The following UBXN2B variants were observed in gnomAD, a reference collection of about 807,000 sequenced individuals.
The protein encoded by UBXN2B is UBX domain-containing protein 2B.
A neutral mutation model predicts 37.5 loss-of-function variants in UBXN2B; 19 were observed. The observed-to-expected ratio is 0.51, with a 90% CI of 0.35 to 0.74. The LOEUF (loss-of-function observed/expected upper bound fraction) is 0.74, where lower values mean the gene tolerates loss of function less well. UBXN2B is among the 30% of genes least tolerant of loss of function. The pLI is 0.01. For missense variants in UBXN2B, 370 were observed against 393.2 expected (o/e 0.94, Z 0.50); for synonymous variants, 145 against 143.8 (o/e 1.01, Z -0.06).
intron 1 of UBXN2B, among the ~76,000 whole-genome samples, chr8:58,416,121 G>A (rs1349988391): frequency 6.6e-6 from 1 of 150,986 alleles, no homozygotes; most frequent in Non-Finnish European, 1.5e-5. Context: ...ATAGCCACAG[G>A]AGCATTAAAG....
chr8:58,418,465 T>C (rs1807842518), intron 2 of UBXN2B, among the ~76,000 whole-genome samples: 1 of 152,208 alleles, frequency 6.6e-6, no homozygotes, highest in South Asian at 2.1e-4. Context: ...AAATTTATTA[T>C]GTTGACTTTT....
chr8:58,435,044 A>C, intron 5 of UBXN2B: 1 of 1,458,558 alleles, frequency 6.9e-7, no homozygotes, highest in South Asian at 1.4e-5. Context: ...TTCTTGCTAA[A>C]GGATGAGGAA....
intron 4 of UBXN2B, 48 bp from the exon 5 acceptor site, chr8:58,434,347 G>A (rs1054626094): frequency 3.7e-6 from 2 of 547,440 alleles, no homozygotes; most frequent in Non-Finnish European, 5.1e-6. Flanking sequence ...ATGTATATGT[G>A]AATATATATA....
intron 2 of UBXN2B, 75 bp downstream of exon 2, chr8:58,417,028 A>G: frequency 1.7e-6 from 2 of 1,189,982 alleles, no homozygotes; most frequent in African/African-American, 1.6e-5. Context: ...AAATTATTTT[A>G]AATGGCCTTC....
chr8:58,421,163 C>T (rs999153722), intron 2 of UBXN2B, among the ~76,000 whole-genome samples: 1 of 152,070 alleles, frequency 6.6e-6, no homozygotes, highest in African/African-American at 2.4e-5. Flanking sequence ...CAATCTTGAC[C>T]ATTTTCTTGA....
chr8:58,426,170 C>T, intron 2 of UBXN2B: 1 of 774,466 alleles, frequency 1.3e-6, no homozygotes, highest in South Asian at 1.3e-5. Context: ...CTCCCCTCCA[C>T]ACAGATCACA....
intron 2 of UBXN2B, among the ~76,000 whole-genome samples, chr8:58,421,570 A>G (rs1807925108): frequency 6.6e-6 from 1 of 151,884 alleles, no homozygotes; most frequent in Non-Finnish European, 1.5e-5. Flanking sequence ...AACCTGACTC[A>G]CCCATTACTG....
intron 6 of UBXN2B, among the ~76,000 whole-genome samples, chr8:58,442,530 A>G (rs935127063): frequency 2.0e-5 from 3 of 152,250 alleles, no homozygotes; most frequent in Non-Finnish European, 4.4e-5. Context: ...TTACACACAG[A>G]ATGTTACATA....
chr8:58,439,199 G>A (rs1055610077), intron 5 of UBXN2B, among the ~76,000 whole-genome samples: 11 of 152,128 alleles, frequency 7.2e-5, no homozygotes, highest in South Asian at 4.1e-4. Flanking sequence ...ACCCAGCCTC[G>A]GATATTTCCT....
chr8:58,435,586 G>A lies in UBXN2B; in HGVS notation c.533+1082G>A, dbSNP rs890561163. The stretch of plus-strand genomic sequence containing the variant: ...TGGGGGAAGTTTTGATTGGCTAAGC[G>A]AAAACCAACATAACTGTAGAAATTG... On this transcript the variant is annotated intron_variant, in intron 5 of 7. Transcript: ENST00000399598. Among the ~76,000 whole-genome samples, 16 of 152,070 alleles carry A rather than the reference G, an allele frequency of 1.1e-4. No homozygotes were observed. In the East Asian group the frequency reaches 1.5e-3, roughly 15 times the overall value.
rs150873826 is a variant in UBXN2B, at chr8:58,411,701, A to G, written c.84+232A>G. The stretch of plus-strand genomic sequence containing the variant: ...GCTTTGTCTCCCTTCCACCCCACGT[A>G]TGATGTAAAAATAGCTATTCGTTTA... On this transcript the variant is annotated intron_variant, in intron 1 of 7. Coordinates refer to ENST00000399598, the MANE Select transcript of UBXN2B (RefSeq NM_001077619.2). 6.8e-4 allele frequency among the ~76,000 whole-genome samples: 104 copies of G among 152,348 alleles called. No individual in the cohort carries two copies. In the East Asian group the frequency reaches 0.014, roughly 21 times the overall value.
At chr8:58,435,062 A>G (rs1450971625) in intron 5 of UBXN2B, 4 of 1,438,772 alleles carry the variant, frequency 2.8e-6, no homozygotes, top group Non-Finnish European at 3.6e-6. Flanking sequence ...GAATCAAGTG[A>G]TTTTGCTATG....
intron 5 of UBXN2B, chr8:58,434,711 C>T: frequency 7.6e-7 from 1 of 1,314,344 alleles, no homozygotes; most frequent in Non-Finnish European, 1.0e-6. Flanking sequence ...ATTTTGTGGG[C>T]CAGGGGCATT....
chr8:58,421,074 C>T (rs982403906), intron 2 of UBXN2B, among the ~76,000 whole-genome samples: 6 of 152,160 alleles, frequency 3.9e-5, no homozygotes, highest in African/African-American at 1.4e-4. Flanking sequence ...CAATTGCAAA[C>T]CTTTCCACAT....
intron 5 of UBXN2B, chr8:58,434,952 A>T: frequency 6.5e-7 from 1 of 1,535,500 alleles, no homozygotes; most frequent in Non-Finnish European, 8.7e-7. Flanking sequence ...TCAAAAGGTT[A>T]GTTTGAAGTT....
chr8:58,421,531 C>T (rs1038867627), intron 2 of UBXN2B, among the ~76,000 whole-genome samples: 3 of 152,116 alleles, frequency 2.0e-5, no homozygotes, highest in Non-Finnish European at 4.4e-5. Flanking sequence ...AGACAAATAC[C>T]ATGTATTTGT....
chr8:58,429,508 T>C (rs976849115), intron 2 of UBXN2B, among the ~76,000 whole-genome samples: 1 of 152,162 alleles, frequency 6.6e-6, no homozygotes, highest in African/African-American at 2.4e-5. Flanking sequence ...CTTCTGCAGT[T>C]TGTGGGGTTT....
Position 58,439,978 on chromosome 8 carries a change from A to G in UBXN2B, c.671+208A>G, listed in dbSNP as rs572389458. On this transcript the variant is annotated intron_variant, in intron 6 of 7. Coordinates refer to ENST00000399598, the MANE Select transcript of UBXN2B (RefSeq NM_001077619.2). ...TTGTGATATTAATAATACTGTAATT[A>G]ATACTTAGATTGCAGTTACCATGTT... Among the ~76,000 whole-genome samples, 255 of 152,326 alleles carry G rather than the reference A, an allele frequency of 1.7e-3. 1 individual carries two copies. The highest frequency in any genetic ancestry group is 3.4e-3 in the Middle Eastern group (1 of 294).
chr8:58,425,029 C>T (rs1808043615), intron 2 of UBXN2B: 8 of 781,294 alleles, frequency 1.0e-5, no homozygotes, highest in South Asian at 6.7e-5. Flanking sequence ...ATGCATGATG[C>T]GTTCCTGCTT....
Sources: allele counts gnomAD v4.1 joint callset (sites outside exome capture counted in the v4.1 genomes callset), GRCh38; gene constraint gnomAD v4.1.1; transcripts MANE v1.5; gene names NCBI Gene and HGNC (gene_info 2026-07-23, HGNC 2026-07-21).